The following REL variants were observed in gnomAD, a reference collection of about 807,000 sequenced individuals.
REL encodes proto-oncogene c-Rel.
In REL, 15 loss-of-function variants were observed where a neutral mutation model predicts 45.9. The ratio of observed to expected loss-of-function variants is 0.33; its 90% CI spans 0.22 to 0.50. The LOEUF (loss-of-function observed/expected upper bound fraction) is 0.50. Among genes scored for constraint, REL ranks in the 20% least tolerant of loss-of-function variants. The pLI is 0.98. For synonymous variants in REL, 239 were observed against 242.1 expected (o/e 0.99, Z 0.12); for missense variants, 601 against 715.2 (o/e 0.84, Z 1.82).
chr2:60,907,491 C>T (rs1476110392), intron 4 of REL, among the ~76,000 whole-genome samples: 1 of 151,808 alleles, frequency 6.6e-6, no homozygotes, highest in Non-Finnish European at 1.5e-5. Flanking sequence ...AAAAAATTGG[C>T]TGGGCATGGG....
Position 60,928,477 on chromosome 2 carries a change from T to G in REL, c.*5942T>G, listed in dbSNP as rs1437095710. The G allele has an allele frequency of 2.7e-5, 4 of 150,316 alleles. No homozygotes were observed. Among genetic ancestry groups the G allele is most frequent in the African/African-American group, 7.3e-5 (3 of 40,866 alleles). The allele number at this position is 150,316 out of a possible 1,614,324, so 9.3% of individuals were successfully genotyped here. On this transcript the variant is annotated 3_prime_UTR_variant, in exon 10 of 10. Coordinates refer to ENST00000394479, the MANE Select transcript of REL (RefSeq NM_001291746.2). Reference sequence around the variant, plus strand: ...CATGGTACTGGTACCAAAACAGAGATATAGATCACTGGAACAGAACAGAGC... The same window carrying G: ...CATGGTACTGGTACCAAAACAGAGAGATAGATCACTGGAACAGAACAGAGC...
intron 4 of REL, among the ~76,000 whole-genome samples, chr2:60,914,777 C>T (rs1334223167): frequency 2.6e-5 from 4 of 151,326 alleles, no homozygotes; most frequent in African/African-American, 9.7e-5. Flanking sequence ...GTTTCTTTTG[C>T]TCAACATGGT....
chr2:60,893,107 T>C lies in REL; in HGVS notation c.153+1282T>C, dbSNP rs1255188303. Among the ~76,000 whole-genome samples, 3 of 152,354 alleles carry C rather than the reference T, an allele frequency of 2.0e-5. No individual in the cohort carries two copies. The East Asian group carries it at 5.8e-4, about 29-fold the overall frequency. ...TAAACTATTTTTCTTTGACTTTCAATGAAGGGTTTATCCTTTAAATGCCAA... is the reference window on the plus strand; with the variant it reads ...TAAACTATTTTTCTTTGACTTTCAACGAAGGGTTTATCCTTTAAATGCCAA... On this transcript the variant is annotated intron_variant, in intron 2 of 9. Coordinates refer to ENST00000394479, the MANE Select transcript of REL (RefSeq NM_001291746.2).
intron 4 of REL, among the ~76,000 whole-genome samples, chr2:60,910,131 G>A (rs1030453206): frequency 1.3e-5 from 2 of 151,956 alleles, no homozygotes; most frequent in Admixed American, 1.3e-4. Context: ...TAGGGTTAAA[G>A]GAGTGATATT....
At chr2:60,915,835 T>A (rs2103976149) in intron 4 of REL, among the ~76,000 whole-genome samples, 1 of 152,336 alleles carries the variant, frequency 6.6e-6, no homozygotes, top group African/African-American at 2.4e-5. Context: ...TTTTCTAGTT[T>A]TATAGAACTG....
chr2:60,889,019 A>G (rs1263254491), intron 1 of REL, among the ~76,000 whole-genome samples: 1 of 152,220 alleles, frequency 6.6e-6, no homozygotes, highest in Non-Finnish European at 1.5e-5. Flanking sequence ...AAATCTGATC[A>G]TGTGATTTGC....
intron 1 of REL, among the ~76,000 whole-genome samples, chr2:60,891,249 A>T (rs188141910): frequency 1.2e-4 from 18 of 152,328 alleles, no homozygotes; most frequent in Non-Finnish European, 2.2e-4. Flanking sequence ...ATGATGTAAA[A>T]TCAAGCAGTT....
chr2:60,897,116 G>A (rs542920979), intron 3 of REL, among the ~76,000 whole-genome samples: 1 of 152,012 alleles, frequency 6.6e-6, no homozygotes, highest in East Asian at 1.9e-4. Context: ...GTAAACTCAT[G>A]CATTCTTGTA....
chr2:60,901,307 G>A (rs913120437), intron 4 of REL, among the ~76,000 whole-genome samples: 10 of 151,598 alleles, frequency 6.6e-5, no homozygotes, highest in Non-Finnish European at 1.2e-4. Flanking sequence ...GATTATAGGC[G>A]CCCACCATCA....
Position 60,920,127 on chromosome 2 carries a change from C to T in REL, c.922+18C>T, listed in dbSNP as rs148181804. 8.2e-5 allele frequency: 126 copies of T among 1,535,166 alleles called. No individual in the cohort carries two copies. The African/African-American group carries it at 1.1e-3, about 13-fold the overall frequency. On this transcript the variant is annotated intron_variant, in intron 8 of 9. Coordinates refer to ENST00000394479, the MANE Select transcript of REL (RefSeq NM_001291746.2). The stretch of plus-strand genomic sequence containing the variant: ...GGATCACGGTAAGAATAGTTTGGAT[C>T]GATTCATATTTAAATAGGTTTTGTT...
At chr2:60,905,904 C>G (rs1673634551) in intron 4 of REL, among the ~76,000 whole-genome samples, 1 of 152,142 alleles carries the variant, frequency 6.6e-6, no homozygotes, top group Non-Finnish European at 1.5e-5. Flanking sequence ...ACACCACACC[C>G]TTAGGACAGC....
intron 1 of REL, among the ~76,000 whole-genome samples, chr2:60,886,171 C>T (rs1191399197): frequency 2.6e-5 from 4 of 152,144 alleles, no homozygotes; most frequent in Non-Finnish European, 5.9e-5. Flanking sequence ...TTTTCAGCAA[C>T]GTGTATCTGG....
At chr2:60,883,320 A>G (rs1287332185) in intron 1 of REL, among the ~76,000 whole-genome samples, 1 of 152,248 alleles carries the variant, frequency 6.6e-6, no homozygotes, top group East Asian at 1.9e-4. Context: ...GTAGGCAGAA[A>G]AGGAAATTGG....
intron 4 of REL, among the ~76,000 whole-genome samples, chr2:60,915,083 G>A (rs991880694): frequency 3.3e-5 from 5 of 151,340 alleles, no homozygotes; most frequent in East Asian, 3.9e-4. Flanking sequence ...CACCCACCTC[G>A]GCCTCCCAAA....
In REL at chr2:60,924,759, A is replaced by G. The variant is rs2103994678; in HGVS notation, c.*2224A>G. 4.8e-6 allele frequency: 1 copy of G among 208,402 alleles called. No individual in the cohort carries two copies. Among genetic ancestry groups the G allele is most frequent in the East Asian group, 7.2e-5 (1 of 13,820 alleles). The allele number at this position is 208,402 out of a possible 1,614,324, so 12.9% of individuals were successfully genotyped here. A position where few individuals can be genotyped will look rare whatever the true frequency, so the allele number is the denominator to read the frequency against. ...TTTCAAAGTGCAAGATTTTTAAAAG[A>G]GACTTGTCACATATTCATTTGGCTG... On this transcript the variant is annotated 3_prime_UTR_variant, in exon 10 of 10. Transcript: ENST00000394479.
At chr2:60,888,396 A>G (rs1413457994) in intron 1 of REL, among the ~76,000 whole-genome samples, 1 of 152,196 alleles carries the variant, frequency 6.6e-6, no homozygotes, top group Non-Finnish European at 1.5e-5. Flanking sequence ...CTTCAGCCAC[A>G]TAAATTATTT....
intron 5 of REL, 26 bp downstream of exon 5, chr2:60,917,043 G>GTA: frequency 6.3e-7 from 1 of 1,584,184 alleles, no homozygotes; most frequent in Non-Finnish European, 8.6e-7. Flanking sequence ...TCTTATATTT[G>GTA]TAGTCTTAAC....
chr2:60,927,994 TCATGATGGTTTCCATGTTAAGAGAGA>T lies in REL; in HGVS notation c.*5464_*5489del, dbSNP rs1215939206. The T allele has an allele frequency of 2.6e-4, 54 of 210,162 alleles. No individual in the cohort carries two copies. Among genetic ancestry groups the T allele is most frequent in the Non-Finnish European group, 3.3e-4 (34 of 103,380 alleles). The allele number at this position is 210,162 out of a possible 1,614,324, so 13.0% of individuals were successfully genotyped here. A position where few individuals can be genotyped will look rare whatever the true frequency, so the allele number is the denominator to read the frequency against. On this transcript the variant is annotated 3_prime_UTR_variant, in exon 10 of 10. Coordinates refer to ENST00000394479, the MANE Select transcript of REL (RefSeq NM_001291746.2). ...GTCTAACCTAATACTTCAGGAAAAC[TCATGATGGTTTCCATGTTAAGAGAGA>T]CATGGAGCAGGGCACTGGCATGGTG... is the stretch of plus-strand genomic sequence containing the variant.
intron 1 of REL, among the ~76,000 whole-genome samples, chr2:60,887,779 T>G (rs1673105548): frequency 6.6e-6 from 1 of 151,824 alleles, no homozygotes; most frequent in South Asian, 2.1e-4. Flanking sequence ...ATACTCAATA[T>G]TATATGATAA....
Sources: gnomAD v4.1 joint callset for allele counts (sites outside exome capture counted in the v4.1 genomes callset) on GRCh38, gnomAD v4.1.1 for gene constraint, MANE v1.5 for transcripts, NCBI Gene and HGNC (gene_info 2026-07-23, HGNC 2026-07-21) for gene names.